The following RBFOX1 variants were observed in gnomAD, a reference collection of about 807,000 sequenced individuals.
The protein encoded by RBFOX1 is RNA binding fox-1 homolog 1.
A neutral mutation model predicts 57.7 loss-of-function variants in RBFOX1; 8 were observed. The observed-to-expected ratio is 0.14, with a 90% CI of 0.08 to 0.25. The LOEUF is 0.25. RBFOX1 is among the 10% of genes least tolerant of loss of function. The pLI, the probability that RBFOX1 is intolerant of heterozygous loss-of-function variation, is 1.00. For synonymous variants in RBFOX1, 326 were observed against 222.4 expected (o/e 1.47, Z -4.15); for missense variants, 611 against 548.5 (o/e 1.11, Z -1.14).
chr16:6,312,699 T>C (rs950418833), intron 1 of RBFOX1, among the ~76,000 whole-genome samples: 4 of 144,450 alleles, frequency 2.8e-5, no homozygotes, highest in Admixed American at 7.0e-5. Context: ...CTTCCTTCCT[T>C]CCTTCCTTCC....
chr16:6,307,422 C>G (rs191986150), intron 1 of RBFOX1, among the ~76,000 whole-genome samples: 45 of 151,628 alleles, frequency 3.0e-4, no homozygotes, highest in Non-Finnish European at 4.4e-5. Context: ...TTAATATTGT[C>G]CAATACTAAA....
intron 4 of RBFOX1, among the ~76,000 whole-genome samples, chr16:5,915,632 G>T (rs2058688547): frequency 6.6e-6 from 1 of 152,130 alleles, no homozygotes; most frequent in African/African-American, 2.4e-5. Flanking sequence ...AGGAGTTTGA[G>T]ACCAGCCTGG....
At chr16:7,217,010 TC>T (rs1431758339) in intron 4 of RBFOX1, among the ~76,000 whole-genome samples, 2 of 6,436 alleles carry the variant, frequency 3.1e-4, no homozygotes, top group African/African-American at 1.3e-3. Context: ...CTCCCTCCCT[TC>T]CCTCCCTCCC....
intron 2 of RBFOX1, among the ~76,000 whole-genome samples, chr16:6,597,283 G>A (rs1320819948): frequency 6.6e-6 from 1 of 152,128 alleles, no homozygotes; most frequent in African/African-American, 2.4e-5. Flanking sequence ...ATGTGTGCCA[G>A]TTTTATACCC....
At chr16:6,237,922 C>G (rs971286569) in intron 1 of RBFOX1, among the ~76,000 whole-genome samples, 11 of 151,470 alleles carry the variant, frequency 7.3e-5, no homozygotes, top group African/African-American at 2.7e-4. Flanking sequence ...GAAACCCTGC[C>G]TCTACAAAAA....
At chr16:6,928,484 T>C (rs2076001142) in intron 3 of RBFOX1, among the ~76,000 whole-genome samples, 1 of 152,102 alleles carries the variant, frequency 6.6e-6, no homozygotes, top group Admixed American at 6.5e-5. Flanking sequence ...AACTCAGAAA[T>C]AAGACTGCTT....
intron 1 of RBFOX1, among the ~76,000 whole-genome samples, chr16:5,297,048 T>C (rs1218229221): frequency 1.3e-5 from 2 of 152,210 alleles, no homozygotes; most frequent in Admixed American, 1.3e-4. Flanking sequence ...TAGTTTGCTT[T>C]TCATGATGTT....
chr16:7,586,810 A>G (rs570008149), intron 6 of RBFOX1, among the ~76,000 whole-genome samples: 1 of 152,212 alleles, frequency 6.6e-6, no homozygotes, highest in Non-Finnish European at 1.5e-5. Context: ...CCTAGATTTT[A>G]TGTGAGCTAG....
At chr16:6,225,592 T>A (rs538991939) in intron 1 of RBFOX1, among the ~76,000 whole-genome samples, 1 of 152,194 alleles carries the variant, frequency 6.6e-6, no homozygotes, top group African/African-American at 2.4e-5. Flanking sequence ...AAATTTACTT[T>A]AACTTCTGCC....
intron 2 of RBFOX1, among the ~76,000 whole-genome samples, chr16:6,367,774 G>T (rs1190519886): frequency 6.7e-6 from 1 of 148,300 alleles, no homozygotes; most frequent in African/African-American, 2.5e-5. Flanking sequence ...TAGGGAAAAT[G>T]ATGCCAGGAG....
At chr16:5,415,097 A>G (rs1475563998) in intron 1 of RBFOX1, among the ~76,000 whole-genome samples, 3 of 152,214 alleles carry the variant, frequency 2.0e-5, no homozygotes, top group African/African-American at 4.8e-5. Context: ...GATAATGTCT[A>G]ATCACACCGT....
At chr16:6,847,036 A>G (rs1403547853) in intron 3 of RBFOX1, among the ~76,000 whole-genome samples, 9 of 152,158 alleles carry the variant, frequency 5.9e-5, no homozygotes, top group South Asian at 2.1e-4. Flanking sequence ...CACAGCTGCA[A>G]AATAGATTCA....
In RBFOX1 at chr16:7,440,516, G is replaced by A. The variant is rs67258102; in HGVS notation, c.28-77631G>A. Among the ~76,000 whole-genome samples the A allele has an allele frequency of 3.3e-5, 5 of 152,028 alleles. No individual in the cohort carries two copies. The East Asian group carries it at 7.8e-4, about 24-fold the overall frequency. On this transcript the variant is annotated intron_variant, in intron 4 of 15. Coordinates refer to ENST00000550418, the MANE Select transcript of RBFOX1 (RefSeq NM_018723.4). ...CCAAGGAATGTGGCCAGCATTAGGCGGCATTTGAGCTGGGTCAGTGAATCC... is the reference window on the plus strand; with the variant it reads ...CCAAGGAATGTGGCCAGCATTAGGCAGCATTTGAGCTGGGTCAGTGAATCC...
chr16:6,512,777 G>A (rs1270367625), intron 2 of RBFOX1, among the ~76,000 whole-genome samples: 3 of 152,196 alleles, frequency 2.0e-5, no homozygotes, highest in Admixed American at 1.3e-4. Flanking sequence ...AGGAGCAAGA[G>A]GATGGAGTAG....
chr16:5,683,220 C>T (rs1377031649), intron 3 of RBFOX1, among the ~76,000 whole-genome samples: 5 of 152,200 alleles, frequency 3.3e-5, no homozygotes, highest in Non-Finnish European at 7.4e-5. Flanking sequence ...AGCTGTGGCA[C>T]TTGGGAAGCC....
chr16:5,957,596 C>G (rs527752349), intron 4 of RBFOX1, among the ~76,000 whole-genome samples: 55 of 152,306 alleles, frequency 3.6e-4, no homozygotes, highest in African/African-American at 1.3e-3. Context: ...AAGCAGGAGT[C>G]TCTCAGCAAG....
intron 3 of RBFOX1, among the ~76,000 whole-genome samples, chr16:6,792,038 C>A (rs2083066113): frequency 6.6e-6 from 1 of 152,074 alleles, no homozygotes; most frequent in African/African-American, 2.4e-5. Flanking sequence ...AAAGATTTTA[C>A]CCTGAATTGC....
intron 3 of RBFOX1, among the ~76,000 whole-genome samples, chr16:6,892,668 GAAAC>G (rs960941689): frequency 1.1e-4 from 16 of 144,486 alleles, no homozygotes; most frequent in Admixed American, 4.1e-4. Flanking sequence ...GGGCTGTCTC[GAAAC>G]AAACAAACAA....
chr16:6,069,004 C>A (rs1389907837), intron 1 of RBFOX1, among the ~76,000 whole-genome samples: 1 of 150,278 alleles, frequency 6.7e-6, no homozygotes, highest in African/African-American at 2.5e-5. Context: ...GTTTAATAAA[C>A]ATATTTATAA....
Sources: gnomAD v4.1 joint callset for allele counts (sites outside exome capture counted in the v4.1 genomes callset) on GRCh38, gnomAD v4.1.1 for gene constraint, MANE v1.5 for transcripts, NCBI Gene and HGNC (gene_info 2026-07-23, HGNC 2026-07-21) for gene names.